The following MAGED1 variants were observed in gnomAD, a reference collection of about 807,000 sequenced individuals.
MAGED1 encodes the protein melanoma-associated antigen D1.
A neutral mutation model predicts 54.1 loss-of-function variants in MAGED1; 3 were observed. The ratio of observed to expected loss-of-function variants is 0.06; its 90% CI spans 0.03 to 0.14. MAGED1 has a LOEUF of 0.14. Ranked by LOEUF, MAGED1 falls within the 10% of genes least tolerant of loss-of-function variation. MAGED1 has a pLI of 1.00. For synonymous variants in MAGED1, 217 were observed against 227.3 expected (o/e 0.95, Z 0.41); for missense variants, 485 against 623.4 (o/e 0.78, Z 2.36).
chrX:51,824,032 A>T, intron 1 of MAGED1, among the ~76,000 whole-genome samples: 1 of 111,944 alleles, frequency 8.9e-6, no homozygotes, highest in Middle Eastern at 4.6e-3. Flanking sequence ...AAACATAGGA[A>T]TTGCAAATTT....
upstream of MAGED1, among the ~76,000 whole-genome samples, chrX:51,893,141 T>G (rs1557363649): frequency 9.1e-6 from 1 of 110,463 alleles, no homozygotes; most frequent in Admixed American, 9.6e-5. Flanking sequence ...ACTACTACTT[T>G]GTTAGCTCCA....
intron 1 of MAGED1, among the ~76,000 whole-genome samples, chrX:51,866,966 G>A: frequency 8.9e-6 from 1 of 111,973 alleles, no homozygotes; most frequent in Non-Finnish European, 1.9e-5. Flanking sequence ...TTGATCCATT[G>A]TGTGGAGCTG....
upstream of MAGED1, among the ~76,000 whole-genome samples, chrX:51,893,180 T>C (rs1557363654): frequency 1.8e-5 from 2 of 110,875 alleles, no homozygotes; most frequent in African/African-American, 3.3e-5. Flanking sequence ...CCATTCCGTT[T>C]CCTCAGCAGA....
chrX:51,850,876 G>A (rs1180164600), intron 1 of MAGED1, among the ~76,000 whole-genome samples: 2 of 110,935 alleles, frequency 1.8e-5, no homozygotes, highest in African/African-American at 6.6e-5. Context: ...CTCCAGCCTG[G>A]GCGACAAGAG....
intron 5 of MAGED1, 111 bp from the exon 6 acceptor site, chrX:51,897,435 GC>G (rs1557364452): frequency 6.4e-6 from 5 of 778,322 alleles, no homozygotes; most frequent in Non-Finnish European, 9.7e-6. Context: ...TCCATGGTTG[GC>G]TCTTTCCACC....
intron 1 of MAGED1, among the ~76,000 whole-genome samples, chrX:51,842,598 A>G (rs782280727): frequency 8.9e-6 from 1 of 111,754 alleles, no homozygotes; most frequent in South Asian, 3.8e-4. Context: ...CACTTTAAAG[A>G]CATCACTTCT....
chrX:51,877,373 A>G (rs1557362111), intron 1 of MAGED1, among the ~76,000 whole-genome samples: 1 of 111,840 alleles, frequency 8.9e-6, no homozygotes, highest in East Asian at 2.8e-4. Flanking sequence ...ATATTTTCAA[A>G]GCAAATGTTC....
intron 1 of MAGED1, among the ~76,000 whole-genome samples, chrX:51,831,245 A>G (rs782311498): frequency 8.9e-6 from 1 of 112,817 alleles, no homozygotes; most frequent in South Asian, 3.6e-4. Context: ...TTCCTAACAA[A>G]GTTACACTGA....
intron 1 of MAGED1, among the ~76,000 whole-genome samples, chrX:51,820,844 A>G (rs782792462): frequency 2.4e-4 from 27 of 111,640 alleles, no homozygotes; most frequent in Non-Finnish European, 4.5e-4. Flanking sequence ...CAATAGAACA[A>G]CAGAACTTGT....
intron 1 of MAGED1, among the ~76,000 whole-genome samples, chrX:51,824,482 G>T (rs782811768): frequency 3.6e-5 from 4 of 109,880 alleles, no homozygotes; most frequent in Non-Finnish European, 7.6e-5. Flanking sequence ...TTTTTATTAT[G>T]ATGTGCCTAT....
chrX:51,803,857 C>G (rs1924944657), intron 1 of MAGED1, among the ~76,000 whole-genome samples: 2 of 108,992 alleles, frequency 1.8e-5, no homozygotes, highest in South Asian at 7.9e-4. Context: ...TTTTGGGGGG[C>G]AAACATAGTG....
At position 51,849,096 on chromosome X, in the gene MAGED1, A is replaced by G. The variant is rs781902897; in HGVS notation, c.-36-45173A>G. On this transcript the variant is annotated intron_variant, in intron 1 of 12. Transcript: ENST00000375772. ...TTTCTTTTTGTAGAAAAGAAATTCT[A>G]TTAGAAGAATGTAGGGATGTAAGGA... Among the ~76,000 whole-genome samples the G allele has an allele frequency of 6.3e-5, 7 of 110,768 alleles. No individual in the cohort carries two copies. The South Asian group carries it at 2.7e-3, about 43-fold the overall frequency.
chrX:51,859,358 A>G (rs531832723), intron 1 of MAGED1, among the ~76,000 whole-genome samples: 6 of 111,860 alleles, frequency 5.4e-5, no homozygotes, highest in South Asian at 7.5e-4. Flanking sequence ...AGTATTAATC[A>G]CTTTAGATTA....
intron 1 of MAGED1, among the ~76,000 whole-genome samples, chrX:51,807,977 A>T (rs1925091031): frequency 8.9e-6 from 1 of 111,835 alleles, no homozygotes; most frequent in Non-Finnish European, 1.9e-5. Flanking sequence ...CATCTAACAG[A>T]TCAGTTTAGG....
intron 5 of MAGED1, 131 bp from the exon 6 acceptor site, chrX:51,897,416 C>T: frequency 1.3e-6 from 1 of 748,833 alleles, no homozygotes; most frequent in South Asian, 2.4e-5. Context: ...CCCCTTCTAT[C>T]CCCTCCTTTC....
chrX:51,837,052 C>T (rs1218132717), intron 1 of MAGED1, among the ~76,000 whole-genome samples: 2 of 111,879 alleles, frequency 1.8e-5, no homozygotes, highest in African/African-American at 6.5e-5. Context: ...AGTTATTACC[C>T]TTGCCTGTGG....
chrX:51,832,025 T>G (rs1926086281), intron 1 of MAGED1, among the ~76,000 whole-genome samples: 1 of 111,659 alleles, frequency 9.0e-6, no homozygotes, highest in South Asian at 3.8e-4. Context: ...GTTATTTTAT[T>G]TTTATTTTAT....
chrX:51,855,474 G>A (rs1455364333), intron 1 of MAGED1, among the ~76,000 whole-genome samples: 1 of 111,497 alleles, frequency 9.0e-6, no homozygotes, highest in Non-Finnish European at 1.9e-5. Flanking sequence ...CTGGAGGCTA[G>A]ACGTCTGAGA....
chrX:51,901,415 A>T, intron 11 of MAGED1, 138 bp from the exon 12 acceptor site: 1 of 538,815 alleles, frequency 1.9e-6, no homozygotes, highest in Non-Finnish European at 2.7e-6. Context: ...CCTTCTTTTT[A>T]AAGGCTGAAT....
Sources: allele counts gnomAD v4.1 joint callset (sites outside exome capture counted in the v4.1 genomes callset), GRCh38; gene constraint gnomAD v4.1.1; transcripts MANE v1.5; gene names NCBI Gene and HGNC (gene_info 2026-07-23, HGNC 2026-07-21).